GUCY2C: variants seen among roughly 807,000 people sequenced by gnomAD.
The protein encoded by GUCY2C is guanylyl cyclase C.
In GUCY2C, 118 loss-of-function variants were observed where a neutral mutation model predicts 131.1. The ratio of observed to expected loss-of-function variants is 0.90; its 90% confidence interval spans 0.78 to 1.05. The LOEUF is 1.05. GUCY2C is among the 50% of genes least tolerant of loss of function. The pLI is 0.00. For synonymous variants in GUCY2C, 452 were observed against 457.8 expected (o/e 0.99, Z 0.16); for missense variants, 1,161 against 1,304.4 (o/e 0.89, Z 1.69).
chr12:14,663,328 G>T (rs1947906557), intron 10 of GUCY2C, among the ~76,000 whole-genome samples: 1 of 152,178 alleles, frequency 6.6e-6, no homozygotes, highest in South Asian at 2.1e-4. Context: ...TTTTGCCCAG[G>T]CTGGCATGCA....
chr12:14,681,557 T>G, intron 4 of GUCY2C, 80 bp from the exon 5 acceptor site: 6 of 1,200,104 alleles, frequency 5.0e-6, no homozygotes, highest in Non-Finnish European at 7.3e-6. Flanking sequence ...TTTGCAGATC[T>G]ATCCTGGGAT....
Position 14,645,211 on chromosome 12 carries a change from T to C in GUCY2C, c.1797+18A>G. On this transcript the variant is annotated intron_variant, in intron 16 of 26. Coordinates refer to ENST00000261170, the MANE Select transcript of GUCY2C (RefSeq NM_004963.4). ...TTATATTTAATTTTCATATTTTCTG[T>C]GTGTGTGTTTCTCTTACCTTAGCAA... is the stretch of plus-strand genomic sequence containing the variant. The C allele has an allele frequency of 1.6e-6, 2 of 1,259,998 alleles. No homozygotes were observed. The highest frequency in any genetic ancestry group is 2.3e-6 in the Non-Finnish European group (2 of 871,066). The allele number at this position is 1,259,998 out of a possible 1,614,324, so 78.1% of individuals were successfully genotyped here.
chr12:14,674,830 G>A lies in GUCY2C; in HGVS notation c.949-70C>T, dbSNP rs180804958. 6.9e-3 allele frequency: 8,518 copies of A among 1,227,058 alleles called. 60 individuals carry two copies. Among genetic ancestry groups the A allele is most frequent in the Non-Finnish European group, 8.0e-3 (6,954 of 871,888 alleles). The allele number at this position is 1,227,058 out of a possible 1,614,324, so 76.0% of individuals were successfully genotyped here. On this transcript the variant is annotated intron_variant, in intron 7 of 26. Coordinates refer to ENST00000261170, the MANE Select transcript of GUCY2C (RefSeq NM_004963.4). Reference sequence around the variant, plus strand: ...ATCTTGTCTTGAGCCTAGAACAAAAGGTTGTTGGGATCAGCAGGGTTACTG... The same window carrying A: ...ATCTTGTCTTGAGCCTAGAACAAAAAGTTGTTGGGATCAGCAGGGTTACTG...
intron 21 of GUCY2C, among the ~76,000 whole-genome samples, chr12:14,624,451 T>C (rs1375299959): frequency 6.6e-6 from 1 of 151,582 alleles, no homozygotes; most frequent in African/African-American, 2.4e-5. Context: ...CAAAAATAAA[T>C]AAATTAATTA....
intron 12 of GUCY2C, among the ~76,000 whole-genome samples, chr12:14,655,724 G>A (rs897814225): frequency 7.9e-5 from 12 of 152,136 alleles, no homozygotes; most frequent in African/African-American, 2.7e-4. Context: ...ATTATATGGT[G>A]TATGGAAGGT....
chr12:14,663,599 G>A (rs1263470534), intron 10 of GUCY2C, among the ~76,000 whole-genome samples: 1 of 152,104 alleles, frequency 6.6e-6, no homozygotes, highest in Non-Finnish European at 1.5e-5. Context: ...GAATTTTTCT[G>A]TGCTAAAATA....
At chr12:14,650,099 AT>A (rs1245335853) in intron 15 of GUCY2C, among the ~76,000 whole-genome samples, 2 of 152,090 alleles carry the variant, frequency 1.3e-5, no homozygotes, top group Non-Finnish European at 2.9e-5. Context: ...TGCTTTAATA[AT>A]TTTGTTTTTT....
intron 15 of GUCY2C, among the ~76,000 whole-genome samples, chr12:14,648,826 G>A (rs1565618335): frequency 6.6e-6 from 1 of 152,170 alleles, no homozygotes; most frequent in South Asian, 2.1e-4. Flanking sequence ...AGTAGTACAG[G>A]GGTGGGACTA....
At chr12:14,646,007 T>C (rs2137029113) in intron 15 of GUCY2C, among the ~76,000 whole-genome samples, 1 of 152,248 alleles carries the variant, frequency 6.6e-6, no homozygotes, top group African/African-American at 2.4e-5. Context: ...AGCTAACTTT[T>C]GTATTTTTAC....
At position 14,652,001 on chromosome 12, in the gene GUCY2C, A is replaced by T; in HGVS notation, c.1563T>A (p.Asn521Lys). ...KRVILKDLKHNDGNFTEKQKI... is the reference protein window; with the variant it reads ...KRVILKDLKHKDGNFTEKQKI... ...TCTGTTTTTCAGTGAAATTACCATC[A>T]TTGTGCTTGAGATCTTTGAGAATCA... is the stretch of plus-strand genomic sequence containing the variant. Residue 521 changes from asparagine (N) to lysine (K), a missense_variant, in exon 14 of 27, where the codon AAT becomes AAA. Transcript: ENST00000261170. The T allele has an allele frequency of 6.2e-7, 1 of 1,603,632 alleles. No homozygotes were observed.
intron 24 of GUCY2C, among the ~76,000 whole-genome samples, chr12:14,617,964 T>C (rs1008358267): frequency 1.3e-5 from 2 of 152,168 alleles, no homozygotes; most frequent in African/African-American, 4.8e-5. Flanking sequence ...GCCAGCATGA[T>C]TTGCCAGGAC....
At chr12:14,690,990 C>A (rs955375411) in intron 1 of GUCY2C, among the ~76,000 whole-genome samples, 8 of 152,080 alleles carry the variant, frequency 5.3e-5, no homozygotes, top group Non-Finnish European at 8.8e-5. Context: ...AGGTTAAAAC[C>A]AAGTTTGTAA....
At chr12:14,685,127 G>T (rs960495925) in intron 3 of GUCY2C, among the ~76,000 whole-genome samples, 2 of 152,274 alleles carry the variant, frequency 1.3e-5, no homozygotes, top group Non-Finnish European at 2.9e-5. Flanking sequence ...AAAATGCTTT[G>T]CACGTAGAAG....
At chr12:14,671,202 A>T (rs1367289480) in intron 9 of GUCY2C, among the ~76,000 whole-genome samples, 3 of 152,100 alleles carry the variant, frequency 2.0e-5, no homozygotes, top group Non-Finnish European at 4.4e-5. Context: ...CAGCAAAGTT[A>T]TATTTTCTTT....
At chr12:14,625,476 C>T (rs779697037) in intron 21 of GUCY2C, among the ~76,000 whole-genome samples, 83 of 151,854 alleles carry the variant, frequency 5.5e-4, no homozygotes, top group Admixed American at 1.1e-3. Context: ...TAAAGGTGCG[C>T]GCCACCACAC....
chr12:14,667,059 T>TCTCTTCC (rs1947996931), intron 10 of GUCY2C, among the ~76,000 whole-genome samples: 1 of 152,166 alleles, frequency 6.6e-6, no homozygotes, highest in African/African-American at 2.4e-5. Flanking sequence ...AGGAAGTCAG[T>TCTCTTCC]TCTCTTTAAG....
chr12:14,685,963 C>T (rs1198611960), intron 3 of GUCY2C, among the ~76,000 whole-genome samples, 198 bp downstream of exon 3: 2 of 152,200 alleles, frequency 1.3e-5, no homozygotes, highest in African/African-American at 4.8e-5. Context: ...GTTAATGACT[C>T]AACCTGAATG....
intron 8 of GUCY2C, chr12:14,674,237 C>T (rs1447490049): frequency 3.8e-6 from 1 of 264,586 alleles, no homozygotes; most frequent in African/African-American, 2.2e-5. Context: ...GGTTTTAACA[C>T]AGGGTCCCAG....
chr12:14,651,495 T>G lies in GUCY2C; in HGVS notation c.1622A>C (p.Tyr541Ser), dbSNP rs745933204. The G allele has an allele frequency of 1.3e-6, 2 of 1,593,496 alleles. No homozygotes were observed. The highest frequency in any genetic ancestry group is 1.7e-6 in the Non-Finnish European group (2 of 1,161,352). Residue 541 changes from tyrosine to serine, a missense_variant, in exon 15 of 27, where the codon TAT (tyrosine) becomes TCT (serine). Tyr to Ser is a moderately radical substitution (Grantham distance 144, BLOSUM62 -2). Coordinates refer to ENST00000261170, the MANE Select transcript of GUCY2C (RefSeq NM_004963.4). ...GCCGTAGAACTTGGTCAGGTTGTAATAGTCAATCTGAAGCAACTAGAAGAA... is the reference window on the plus strand; with the variant it reads ...GCCGTAGAACTTGGTCAGGTTGTAAGAGTCAATCTGAAGCAACTAGAAGAA... ...IELNKLLQID[Y>S]YNLTKFYGTV...
Sources: gnomAD v4.1 joint callset for allele counts (sites outside exome capture counted in the v4.1 genomes callset) on GRCh38, gnomAD v4.1.1 for gene constraint, MANE v1.5 for transcripts, NCBI Gene and HGNC (gene_info 2026-07-23, HGNC 2026-07-21) for gene names.